COQ8A: variants seen among roughly 807,000 people sequenced by gnomAD.
The protein encoded by COQ8A is atypical kinase COQ8A, mitochondrial.
Under a neutral mutation model 65.0 loss-of-function variants are expected in COQ8A, and 51 were observed. The ratio of observed to expected loss-of-function variants is 0.78; its 90% confidence interval spans 0.63 to 0.99. The LOEUF (loss-of-function observed/expected upper bound fraction) is 0.99. COQ8A is among the 50% of genes least tolerant of loss of function. COQ8A has a pLI of 0.00. For synonymous variants in COQ8A, 371 were observed against 353.2 expected (o/e 1.05, Z -0.57); for missense variants, 940 against 875.0 (o/e 1.07, Z -0.94).
At chr1:226,960,492 T>G (rs1658164685) in intron 1 of COQ8A, among the ~76,000 whole-genome samples, 1 of 146,934 alleles carries the variant, frequency 6.8e-6, no homozygotes. Context: ...TACTTGGTGG[T>G]GGTGGTGGTG....
In COQ8A at chr1:226,982,947, C is replaced by T. The variant is rs41303129; in HGVS notation, c.993C>T (p.Phe331=). The change falls in exon 8 of 15, where the codon TTC becomes TTT. Residue 331 remains phenylalanine, a synonymous_variant. Transcript: ENST00000366777. ...GPNWRDKLEY[F]EERPFAAASI... ...ACTGGCGGGACAAGTTGGAATACTT[C>T]GAGGAGCGGCCCTTCGCCGCCGCAT... 0.019 allele frequency: 30,448 copies of T among 1,609,616 alleles called. 361 individuals carry two copies. Among genetic ancestry groups the T allele is most frequent in the Non-Finnish European group, 0.022 (25,397 of 1,178,484 alleles).
At chr1:226,950,651 G>C (rs560854232) in intron 1 of COQ8A, among the ~76,000 whole-genome samples, 2 of 152,310 alleles carry the variant, frequency 1.3e-5, no homozygotes, top group Admixed American at 1.3e-4. Context: ...AGCAAAAGCA[G>C]CTGTAGTTAT....
intron 4 of COQ8A, among the ~76,000 whole-genome samples, chr1:226,966,027 T>C (rs898017145): frequency 3.3e-5 from 5 of 152,380 alleles, no homozygotes; most frequent in African/African-American, 1.2e-4. Flanking sequence ...AGGCGGTGTC[T>C]GCAGCATCTC....
chr1:226,951,393 G>A (rs1292467279), intron 1 of COQ8A, among the ~76,000 whole-genome samples: 1 of 152,186 alleles, frequency 6.6e-6, no homozygotes, highest in Non-Finnish European at 1.5e-5. Context: ...CAGAAAGTTG[G>A]CATTGGACAA....
rs576285149 is a variant in COQ8A at position 226,945,496 on chromosome 1, A to G, written c.-10+5097A>G. 1.2e-4 allele frequency among the ~76,000 whole-genome samples: 18 copies of G among 152,318 alleles called. No individual in the cohort carries two copies. The South Asian group carries it at 3.5e-3, about 30-fold the overall frequency. On this transcript the variant is annotated intron_variant, in intron 1 of 14. Coordinates refer to ENST00000366777, the MANE Select transcript of COQ8A (RefSeq NM_020247.5). Reference sequence around the variant, plus strand: ...CACTGATACTGGCTCAGAGGAGGGTAAAAGTAAGAGTCGATTGCCCGGTAA... The same window carrying G: ...CACTGATACTGGCTCAGAGGAGGGTGAAAGTAAGAGTCGATTGCCCGGTAA...
intron 1 of COQ8A, chr1:226,940,633 C>G (rs1656632443): frequency 6.6e-6 from 1 of 152,340 alleles, no homozygotes; most frequent in South Asian, 2.1e-4. Flanking sequence ...GCCCCTCGTT[C>G]CTGCTTCGGG....
intron 4 of COQ8A, among the ~76,000 whole-genome samples, chr1:226,966,720 C>T (rs1259992709): frequency 6.6e-6 from 1 of 152,082 alleles, no homozygotes; most frequent in Non-Finnish European, 1.5e-5. Flanking sequence ...TTTTTCCTCC[C>T]ATACACCATC....
In COQ8A at chr1:226,986,241, G is replaced by A. The variant is rs114075249; in HGVS notation, c.1660-212G>A. ...TCCTCTGCACTCTGCCACAGGCCCC[G>A]CCACTCCCTTTTGTATCACATCAGC... On this transcript the variant is annotated intron_variant, in intron 14 of 14. Transcript: ENST00000366777. 6.2e-3 allele frequency among the ~76,000 whole-genome samples: 941 copies of A among 152,190 alleles called. 10 individuals are homozygous for A. Among genetic ancestry groups the A allele is most frequent in the African/African-American group, 0.021 (861 of 41,528 alleles).
At chr1:226,984,302 T>C in intron 11 of COQ8A, 67 bp downstream of exon 11, 1 of 1,601,216 alleles carries the variant, frequency 6.2e-7, no homozygotes, top group Non-Finnish European at 8.5e-7. Context: ...GGTGACCTAA[T>C]AGTGTGAGCT....
intron 4 of COQ8A, among the ~76,000 whole-genome samples, chr1:226,966,468 A>T (rs952301702): frequency 6.6e-6 from 1 of 152,108 alleles, no homozygotes; most frequent in Non-Finnish European, 1.5e-5. Context: ...GCTGTGGTAC[A>T]CTCTAAGTTA....
At position 226,982,692 on chromosome 1, in the gene COQ8A, A is replaced by T; in HGVS notation, c.868A>T (p.Asn290Tyr). The change falls in exon 7 of 15, where the codon AAC becomes TAC. Residue 290 changes from asparagine (N) to tyrosine (Y), a missense_variant. By Grantham distance (143) the Asn-to-Tyr change is moderately radical (BLOSUM62 -2). Coordinates refer to ENST00000366777, the MANE Select transcript of COQ8A (RefSeq NM_020247.5). Reference protein sequence around the residue: ...MLSIQDDAFINPHLAKIFERV... With the variant: ...MLSIQDDAFIYPHLAKIFERV... ...CTGCCTTCCAGATGATGCCTTTATC[A>T]ACCCCCACCTGGCTAAGATCTTCGA... 1 of 1,613,510 alleles carries T rather than the reference A, an allele frequency of 6.2e-7. No homozygotes were observed. The highest frequency in any genetic ancestry group is 8.5e-7 in the Non-Finnish European group (1 of 1,180,000).
intron 1 of COQ8A, among the ~76,000 whole-genome samples, 194 bp from the exon 2 acceptor site, chr1:226,961,183 T>C (rs776397364): frequency 1.3e-5 from 2 of 152,194 alleles, no homozygotes; most frequent in Non-Finnish European, 2.9e-5. Context: ...TTCTGCTCCA[T>C]TCCCCTGGAG....
chr1:226,987,544 C>CT (rs3215920), downstream of COQ8A: 56,618 of 152,036 alleles, frequency 0.37, 12,095 homozygotes, highest in Non-Finnish European at 0.5. Flanking sequence ...ATGGGAAGTG[C>CT]TTTGGCGCGT....
Position 226,957,121 on chromosome 1 carries a change from G to C in COQ8A, c.-9-4256G>C, listed in dbSNP as rs186243145. ...ACTCTCCCTGGCTCTCACTCTCCCT[G>C]GTTCACACTTTCCCTGGCTCCTGCT... On this transcript the variant is annotated intron_variant, in intron 1 of 14. Transcript: ENST00000366777. Among the ~76,000 whole-genome samples the C allele has an allele frequency of 1.6e-3, 234 of 145,268 alleles. 2 individuals carry two copies. The highest frequency in any genetic ancestry group is 7.8e-3 in the Middle Eastern group (2 of 258).
chr1:226,953,202 G>T (rs549454012), intron 1 of COQ8A, among the ~76,000 whole-genome samples: 5 of 152,094 alleles, frequency 3.3e-5, no homozygotes, highest in African/African-American at 1.2e-4. Flanking sequence ...GATAACTTTC[G>T]TATTTTTAGT....
intron 1 of COQ8A, among the ~76,000 whole-genome samples, chr1:226,955,809 T>G (rs1282177252): frequency 1.3e-5 from 1 of 76,298 alleles, no homozygotes; most frequent in Non-Finnish European, 2.5e-5. Context: ...CTCTCCCTGG[T>G]TCACACTCTC....
intron 1 of COQ8A, among the ~76,000 whole-genome samples, chr1:226,961,052 C>T (rs957096905): frequency 1.3e-5 from 2 of 152,144 alleles, no homozygotes. Flanking sequence ...GGTTCTGCTG[C>T]GAATCATGAA....
chr1:226,963,373 A>G (rs1441802944), intron 2 of COQ8A, among the ~76,000 whole-genome samples: 2 of 152,174 alleles, frequency 1.3e-5, no homozygotes, highest in African/African-American at 2.4e-5. Context: ...CAGCCCCTCA[A>G]GGTTGCTTCC....
At chr1:226,983,345 G>A in intron 8 of COQ8A, 1 of 673,690 alleles carries the variant, frequency 1.5e-6, no homozygotes, top group Non-Finnish European at 2.6e-6. Context: ...TGTTCCCAGG[G>A]GTGAGGTGAG....
Sources: allele counts gnomAD v4.1 joint callset (sites outside exome capture counted in the v4.1 genomes callset), GRCh38; gene constraint gnomAD v4.1.1; transcripts MANE v1.5; gene names NCBI Gene and HGNC (gene_info 2026-07-23, HGNC 2026-07-21).